LINGO1: variants seen among roughly 807,000 people sequenced by gnomAD.
LINGO1 encodes leucine-rich repeat and immunoglobulin-like domain-containing nogo receptor-interacting protein 1.
In LINGO1, 11 loss-of-function variants were observed where a neutral mutation model predicts 37.3. The observed-to-expected ratio is 0.29, with a 90% CI of 0.19 to 0.49. The LOEUF (loss-of-function observed/expected upper bound fraction) is 0.49, where lower values mean the gene tolerates loss of function less well. LINGO1 is among the 20% of genes least tolerant of loss of function. The pLI is 0.99. For missense variants in LINGO1, 585 were observed against 878.2 expected (o/e 0.67, Z 4.22); for synonymous variants, 387 against 403.0 (o/e 0.96, Z 0.48).
At chr15:77,766,203 C>A (rs1267895639) in intron 1 of LINGO1, among the ~76,000 whole-genome samples, 1 of 148,766 alleles carries the variant, frequency 6.7e-6, no homozygotes, top group African/African-American at 2.5e-5. Context: ...GAGGCTGAGG[C>A]AGGAGGATCG....
At chr15:77,616,732 G>A (rs1200028049) in intron 1 of LINGO1, among the ~76,000 whole-genome samples, 1 of 152,172 alleles carries the variant, frequency 6.6e-6, no homozygotes, top group African/African-American at 2.4e-5. Flanking sequence ...TGAGCCCAGG[G>A]CCCGGAGAAT....
intron 2 of LINGO1, among the ~76,000 whole-genome samples, chr15:77,689,603 G>T (rs1374807780): frequency 6.6e-6 from 1 of 152,164 alleles, no homozygotes; most frequent in African/African-American, 2.4e-5. Flanking sequence ...CTCCATGTGG[G>T]GGGTGGGAAG....
intron 1 of LINGO1, among the ~76,000 whole-genome samples, chr15:77,810,897 C>A (rs1260665037): frequency 6.6e-6 from 1 of 152,136 alleles, no homozygotes; most frequent in Non-Finnish European, 1.5e-5. Flanking sequence ...GGGCAGGAGG[C>A]CGGAAGACAA....
chr15:77,816,649 A>T (rs1181476536), intron 1 of LINGO1, among the ~76,000 whole-genome samples: 1 of 152,150 alleles, frequency 6.6e-6, no homozygotes. Flanking sequence ...TCCTAAAGGG[A>T]GCAGCCAGTA....
At chr15:77,715,989 T>C (rs2075979828) in intron 2 of LINGO1, among the ~76,000 whole-genome samples, 1 of 152,234 alleles carries the variant, frequency 6.6e-6, no homozygotes, top group African/African-American at 2.4e-5. Context: ...GGATGTGTCC[T>C]GCAATAATGA....
At chr15:77,682,277 AGTGTGT>A (rs10581838) in intron 2 of LINGO1, among the ~76,000 whole-genome samples, 37 of 139,922 alleles carry the variant, frequency 2.6e-4, no homozygotes, top group East Asian at 6.4e-4. Context: ...TAGAGATTAA[AGTGTGT>A]GTGTGTGTGT....
At chr15:77,665,690 T>G (rs964543189) in intron 3 of LINGO1, among the ~76,000 whole-genome samples, 1 of 152,182 alleles carries the variant, frequency 6.6e-6, no homozygotes, top group Non-Finnish European at 1.5e-5. Flanking sequence ...GACGCTGACC[T>G]GCCCACACCG....
rs879347966 is a variant in LINGO1, at chr15:77,719,390, C to T, written c.-195+15602G>A. Reference sequence around the variant, plus strand: ...GAAGGGATGGTGGTCAACTGAGTGCCCCTCCTCCATGTAAGATCATCCCCC... The same window carrying T: ...GAAGGGATGGTGGTCAACTGAGTGCTCCTCCTCCATGTAAGATCATCCCCC... On this transcript the variant is annotated intron_variant, in intron 2 of 3. Transcript: ENST00000561686. 2.7e-5 allele frequency among the ~76,000 whole-genome samples: 4 copies of T among 149,840 alleles called. 1 individual carries two copies. Among genetic ancestry groups the T allele is most frequent in the Non-Finnish European group, 4.5e-5 (3 of 67,318 alleles).
At chr15:77,743,165 C>T (rs141502193) in intron 1 of LINGO1, among the ~76,000 whole-genome samples, 1 of 152,240 alleles carries the variant, frequency 6.6e-6, no homozygotes, top group Non-Finnish European at 1.5e-5. Flanking sequence ...CTACCCCATG[C>T]TCCCCCTGCC....
intron 1 of LINGO1, among the ~76,000 whole-genome samples, chr15:77,798,523 G>A (rs2141458399): frequency 6.6e-6 from 1 of 152,354 alleles, no homozygotes; most frequent in African/African-American, 2.4e-5. Flanking sequence ...ACTCTCCTCT[G>A]TGGCATCACA....
intron 3 of LINGO1, among the ~76,000 whole-genome samples, chr15:77,668,895 G>A (rs1389306707): frequency 6.6e-6 from 1 of 151,754 alleles, no homozygotes; most frequent in Non-Finnish European, 1.5e-5. Flanking sequence ...TCTCCCTGTT[G>A]AGAAGGAAAT....
chr15:77,666,804 C>T (rs894724833), intron 3 of LINGO1, among the ~76,000 whole-genome samples: 1 of 152,150 alleles, frequency 6.6e-6, no homozygotes, highest in African/African-American at 2.4e-5. Context: ...AAAAACAAGC[C>T]CTGCCACTAT....
At chr15:77,779,257 AT>A (rs1567579830) in intron 1 of LINGO1, among the ~76,000 whole-genome samples, 1 of 151,950 alleles carries the variant, frequency 6.6e-6, no homozygotes, top group Non-Finnish European at 1.5e-5. Flanking sequence ...CTTGTTTAAT[AT>A]CTCTCTCCCC....
At chr15:77,798,648 G>A (rs1486786353) in intron 1 of LINGO1, among the ~76,000 whole-genome samples, 1 of 152,342 alleles carries the variant, frequency 6.6e-6, no homozygotes, top group South Asian at 2.1e-4. Flanking sequence ...CAGTGTGCCA[G>A]GTCCCAAGAA....
Position 77,615,353 on chromosome 15 carries a change from C to T in LINGO1, c.554G>A (p.Arg185His), listed in dbSNP as rs776481459. 17 of 1,613,744 alleles carry T rather than the reference C, an allele frequency of 1.1e-5. No individual in the cohort carries two copies. The highest frequency in any genetic ancestry group is 1.0e-4 in the Admixed American group (6 of 60,002). The change falls in exon 2 of 2, where the codon CGC becomes CAC. Residue 185 changes from arginine to histidine, a missense_variant. By Grantham distance (29) the Arg-to-His change is conservative (BLOSUM62 0). Around this residue, in one of 4 missense-constraint regions of LINGO1, gnomAD observed 484 missense variants for 735.0 expected, o/e 0.66. Coordinates refer to ENST00000355300, the MANE Select transcript of LINGO1 (RefSeq NM_032808.7). ...GDNDLVYISH[R>H]AFSGLNSLEQ... ...CAGGCTGTTGAGGCCGCTGAAGGCG[C>T]GGTGAGAGATGTAGACGAGGTCATT...
Position 77,619,109 on chromosome 15 carries a change from T to TAGG in LINGO1, c.7-3210_7-3209insCCT, listed in dbSNP as rs2073837915. 4.0e-5 allele frequency among the ~76,000 whole-genome samples: 6 copies of TAGG among 151,220 alleles called. No individual in the cohort carries two copies. The South Asian group carries it at 1.3e-3, about 32-fold the overall frequency. On this transcript the variant is annotated intron_variant, in intron 1 of 1. Coordinates refer to ENST00000355300, the MANE Select transcript of LINGO1 (RefSeq NM_032808.7). ...ACCTTGAGCAAAGAGGGAAATATGCTCCAAAGCCTCAGCATTTGGCATCTC... is the reference window on the plus strand; with the variant it reads ...ACCTTGAGCAAAGAGGGAAATATGCTAGGCCAAAGCCTCAGCATTTGGCATCTC...
intron 1 of LINGO1, among the ~76,000 whole-genome samples, chr15:77,760,822 CTCA>C (rs1393685024): frequency 6.6e-6 from 1 of 151,802 alleles, no homozygotes; most frequent in African/African-American, 2.4e-5. Context: ...GGTAATAGGA[CTCA>C]CCACTGGGCC....
At chr15:77,723,875 T>A (rs1167974132) in intron 2 of LINGO1, among the ~76,000 whole-genome samples, 1 of 151,778 alleles carries the variant, frequency 6.6e-6, no homozygotes, top group East Asian at 1.9e-4. Flanking sequence ...GTGAGGTAAG[T>A]CGGGGCGCGG....
intron 2 of LINGO1, among the ~76,000 whole-genome samples, chr15:77,689,679 C>T (rs1455928216): frequency 6.6e-6 from 1 of 152,194 alleles, no homozygotes; most frequent in African/African-American, 2.4e-5. Flanking sequence ...TCTTTGCCTG[C>T]GCTATCATTC....
Sources: allele counts gnomAD v4.1 joint callset (sites outside exome capture counted in the v4.1 genomes callset), GRCh38; gene constraint gnomAD v4.1.1; regional missense constraint gnomAD v4.1.1; transcripts MANE v1.5; gene names NCBI Gene and HGNC (gene_info 2026-07-23, HGNC 2026-07-21).